HECW1: variants seen among roughly 807,000 people sequenced by gnomAD.
The protein encoded by HECW1 is E3 ubiquitin-protein ligase HECW1.
In HECW1, 61 loss-of-function variants were observed where a neutral mutation model predicts 182.3. The observed-to-expected ratio is 0.33, with a 90% confidence interval of 0.27 to 0.41. The LOEUF (loss-of-function observed/expected upper bound fraction) is 0.41, where lower values mean the gene tolerates loss of function less well. Among genes scored for constraint, HECW1 ranks in the 10% least tolerant of loss-of-function variants. The pLI, the probability that HECW1 is intolerant of heterozygous loss-of-function variation, is 1.00. For missense variants in HECW1, 1,739 were observed against 2,108.9 expected (o/e 0.82, Z 3.44); for synonymous variants, 859 against 832.6 (o/e 1.03, Z -0.55).
intron 24 of HECW1, among the ~76,000 whole-genome samples, chr7:43,521,884 A>G (rs2080494305): frequency 6.6e-6 from 1 of 152,206 alleles, no homozygotes; most frequent in Non-Finnish European, 1.5e-5. Context: ...AAAATAAACA[A>G]CAACAGAAAA....
At chr7:43,350,061 A>G (rs921872737) in intron 5 of HECW1, among the ~76,000 whole-genome samples, 3 of 152,120 alleles carry the variant, frequency 2.0e-5, no homozygotes, top group East Asian at 1.9e-4. Flanking sequence ...TGGTTTGGTA[A>G]TGGCAAATTC....
intron 24 of HECW1, among the ~76,000 whole-genome samples, chr7:43,513,144 C>T (rs1345773943): frequency 6.6e-6 from 1 of 152,144 alleles, no homozygotes; most frequent in African/African-American, 2.4e-5. Flanking sequence ...TTCCTTCTAC[C>T]AGGGTTAAGA....
intron 6 of HECW1, among the ~76,000 whole-genome samples, chr7:43,366,756 T>C (rs944152611): frequency 2.0e-5 from 3 of 152,158 alleles, no homozygotes; most frequent in African/African-American, 7.2e-5. Context: ...ATCCAGTGTG[T>C]CCAGATGAAG....
intron 26 of HECW1, among the ~76,000 whole-genome samples, chr7:43,546,137 C>A (rs948510928): frequency 1.2e-4 from 18 of 149,392 alleles, no homozygotes; most frequent in African/African-American, 4.2e-4. Context: ...ATCAAGTCAT[C>A]TTCTGTTAGT....
chr7:43,173,521 G>C (rs1791899825), intron 2 of HECW1, among the ~76,000 whole-genome samples: 1 of 152,174 alleles, frequency 6.6e-6, no homozygotes, highest in South Asian at 2.1e-4. Flanking sequence ...TCCAGGGTTG[G>C]TTTGGGGATG....
At chr7:43,195,998 G>T (rs141371291) in intron 2 of HECW1, among the ~76,000 whole-genome samples, 1 of 152,172 alleles carries the variant, frequency 6.6e-6, no homozygotes, top group Non-Finnish European at 1.5e-5. Context: ...CCAGCACCAC[G>T]TTGGGTCCAG....
rs533159261 is a variant in HECW1, at chr7:43,361,048, T to G, written c.555+68T>G. 9.7e-6 allele frequency: 10 copies of G among 1,034,556 alleles called. No individual in the cohort carries two copies. In the African/African-American group the frequency reaches 1.7e-4, roughly 18 times the overall value. The allele number at this position is 1,034,556 out of a possible 1,614,324, so 64.1% of individuals were successfully genotyped here. On this transcript the variant is annotated intron_variant, in intron 6 of 29. Transcript: ENST00000395891. ...CTTTCTTCACTTTCCTATTTTGTTC[T>G]TGTGCGTGCGTGTGTGTGTGTGTGT...
At chr7:43,390,263 C>G (rs1454532545) in intron 6 of HECW1, among the ~76,000 whole-genome samples, 1 of 152,032 alleles carries the variant, frequency 6.6e-6, no homozygotes, top group South Asian at 2.1e-4. Flanking sequence ...AGGGAGGCCA[C>G]GCATGGTGGC....
intron 11 of HECW1, among the ~76,000 whole-genome samples, chr7:43,448,938 C>T (rs2077149777): frequency 6.6e-6 from 1 of 152,190 alleles, no homozygotes; most frequent in Non-Finnish European, 1.5e-5. Context: ...CAGAATAGAA[C>T]TGCTTGCTTC....
intron 5 of HECW1, among the ~76,000 whole-genome samples, chr7:43,354,361 C>G (rs1014960292): frequency 2.0e-5 from 3 of 152,080 alleles, no homozygotes; most frequent in African/African-American, 4.8e-5. Context: ...CGTGTACTCT[C>G]TAACAACTGA....
chr7:43,466,264 C>T (rs1325852985), intron 14 of HECW1, among the ~76,000 whole-genome samples, 183 bp from the exon 15 acceptor site: 5 of 152,078 alleles, frequency 3.3e-5, no homozygotes, highest in South Asian at 2.1e-4. Flanking sequence ...TGAAGTTATG[C>T]GAAACACTAC....
At chr7:43,411,699 T>A (rs2075809305) in intron 8 of HECW1, among the ~76,000 whole-genome samples, 2 of 152,220 alleles carry the variant, frequency 1.3e-5, no homozygotes, top group South Asian at 4.1e-4. Flanking sequence ...TGCATCATGT[T>A]TATAATTCTA....
chr7:43,471,531 G>T (rs538795978), intron 16 of HECW1, among the ~76,000 whole-genome samples: 1 of 152,218 alleles, frequency 6.6e-6, no homozygotes, highest in African/African-American at 2.4e-5. Flanking sequence ...TCTACAAAGG[G>T]GACAGAGGTA....
chr7:43,398,381 G>A (rs1320370408), intron 7 of HECW1, among the ~76,000 whole-genome samples: 1 of 152,212 alleles, frequency 6.6e-6, no homozygotes, highest in East Asian at 1.9e-4. Flanking sequence ...TCTTTAAGGG[G>A]ACACAGCGGC....
At chr7:43,426,797 A>G (rs2076376773) in intron 8 of HECW1, among the ~76,000 whole-genome samples, 2 of 152,020 alleles carry the variant, frequency 1.3e-5, no homozygotes, top group African/African-American at 4.8e-5. Flanking sequence ...CAGGTTTTCT[A>G]TTTCCTCTTG....
intron 24 of HECW1, 98 bp from the exon 25 acceptor site, chr7:43,541,065 A>C: frequency 1.1e-6 from 1 of 940,378 alleles, no homozygotes; most frequent in Non-Finnish European, 1.7e-6. Context: ...TAAGCAGCTT[A>C]AGATGAATGC....
At chr7:43,348,379 G>A (rs573699381) in intron 5 of HECW1, among the ~76,000 whole-genome samples, 6 of 152,082 alleles carry the variant, frequency 3.9e-5, no homozygotes, top group African/African-American at 9.6e-5. Context: ...TCATTTCTTA[G>A]TAAGGTTATT....
In HECW1 at chr7:43,468,945, G is replaced by A; in HGVS notation, c.2939G>A (p.Ser980Asn). Residue 980 changes from serine to asparagine, a missense_variant, in exon 16 of 30, where the codon AGC becomes AAC. Physicochemically the swap from Ser to Asn is conservative, Grantham distance 46. This residue lies in a region of HECW1 where 971 missense variants were observed against 1,029.1 expected (regional missense o/e 0.94). Transcript: ENST00000395891. ...NYSAYRVFTS[S>N]TCLKHMILKV... ...AGTGCCTACCGAGTCTTCACCAGTA[G>A]CACCTGCTTAAAGCACATGATTCTG... is the stretch of plus-strand genomic sequence containing the variant. 1.2e-6 allele frequency: 2 copies of A among 1,614,194 alleles called. No individual in the cohort carries two copies. The highest frequency in any genetic ancestry group is 1.7e-6 in the Non-Finnish European group (2 of 1,180,042).
At chr7:43,209,248 C>T (rs1050008214) in intron 2 of HECW1, among the ~76,000 whole-genome samples, 1 of 152,106 alleles carries the variant, frequency 6.6e-6, no homozygotes, top group African/African-American at 2.4e-5. Flanking sequence ...AGACCACATA[C>T]GGCACGCTGG....
Sources: gnomAD v4.1 joint callset for allele counts (sites outside exome capture counted in the v4.1 genomes callset) on GRCh38, gnomAD v4.1.1 for gene constraint, gnomAD v4.1.1 regional missense constraint, MANE v1.5 for transcripts, NCBI Gene and HGNC (gene_info 2026-07-23, HGNC 2026-07-21) for gene names.